The following LIPA variants were observed in gnomAD, a reference collection of about 807,000 sequenced individuals.
LIPA encodes the protein lysosomal acid lipase/cholesteryl ester hydrolase.
LIPA carries 26 observed loss-of-function variants against 40.6 expected under a neutral mutation model. The observed-to-expected ratio is 0.64, with a 90% CI of 0.47 to 0.89. The LOEUF is 0.89. LIPA is among the 40% of genes least tolerant of loss of function. The probability of loss-of-function intolerance (pLI) is 0.00; values close to 1 mark genes in which losing one functional copy is unlikely to be tolerated. For missense variants in LIPA, 455 were observed against 479.6 expected (o/e 0.95, Z 0.48); for synonymous variants, 188 against 168.4 (o/e 1.12, Z -0.90).
intron 1 of LIPA, among the ~76,000 whole-genome samples, chr10:89,268,563 T>C (rs1843249079): frequency 6.6e-6 from 1 of 152,242 alleles, no homozygotes; most frequent in Non-Finnish European, 1.5e-5. Context: ...GCTCAAGCTA[T>C]ATATATTATT....
At chr10:89,306,198 T>C in intron 1 of LIPA, 6 of 1,614,130 alleles carry the variant, frequency 3.7e-6, no homozygotes, top group Non-Finnish European at 5.1e-6. Context: ...GAAGAGTTAA[T>C]CCAGCAAGAG....
chr10:89,284,601 G>A (rs1325853830), intron 1 of LIPA: 1 of 152,062 alleles, frequency 6.6e-6, no homozygotes, highest in Non-Finnish European at 1.5e-5. Context: ...GCACACTAAA[G>A]AAACTTTGGA....
At chr10:89,281,861 C>A (rs901927759) in intron 1 of LIPA, among the ~76,000 whole-genome samples, 1 of 152,244 alleles carries the variant, frequency 6.6e-6, no homozygotes, top group East Asian at 1.9e-4. Flanking sequence ...ATAGGGCCAG[C>A]TACTGAGAAC....
At chr10:89,310,063 A>T (rs1843507344) in intron 1 of LIPA, among the ~76,000 whole-genome samples, 1 of 152,146 alleles carries the variant, frequency 6.6e-6, no homozygotes, top group Non-Finnish European at 1.5e-5. Context: ...TACATTTCAC[A>T]TTCTCTGTAT....
At chr10:89,314,440 C>T (rs4934472) in intron 1 of LIPA, 31,673 of 152,256 alleles carry the variant, frequency 0.21, 4,286 homozygotes, top group East Asian at 0.63. Context: ...GAGGCCAAGG[C>T]GGGTGGATCA....
At chr10:89,349,983 G>A (rs1843948374) in intron 2 of LIPA, among the ~76,000 whole-genome samples, 1 of 152,074 alleles carries the variant, frequency 6.6e-6, no homozygotes, top group African/African-American at 2.4e-5. Flanking sequence ...CCTTATCACT[G>A]GACAAAGTCT....
At chr10:89,354,224 C>T (rs1843977345) in intron 2 of LIPA, among the ~76,000 whole-genome samples, 1 of 152,214 alleles carries the variant, frequency 6.6e-6, no homozygotes, top group African/African-American at 2.4e-5. Flanking sequence ...AAGAATGCAA[C>T]CTTTTGTCTC....
At chr10:89,323,698 G>A (rs1327203242) in intron 1 of LIPA, among the ~76,000 whole-genome samples, 5 of 151,964 alleles carry the variant, frequency 3.3e-5, no homozygotes, top group Non-Finnish European at 7.4e-5. Context: ...GCCACAAAAA[G>A]AATAAAATAC....
At chr10:89,344,427 G>A (rs77104324), upstream of LIPA, among the ~76,000 whole-genome samples, 733 of 152,228 alleles carry the variant, frequency 4.8e-3, 2 homozygotes, top group African/African-American at 0.017. Context: ...CATAAAACCA[G>A]GACCCATTCA....
chr10:89,274,767 T>G (rs1843281862), intron 1 of LIPA, among the ~76,000 whole-genome samples: 1 of 152,188 alleles, frequency 6.6e-6, no homozygotes. Context: ...TTTCCGTGTC[T>G]GATGGGTGGG....
intron 1 of LIPA, chr10:89,339,435 T>C (rs1424653901): frequency 6.2e-7 from 1 of 1,614,180 alleles, no homozygotes; most frequent in South Asian, 1.1e-5. Context: ...TAGACAAAGC[T>C]ATTGAACTGT....
chr10:89,222,497 C>T lies in LIPA; in HGVS notation c.894+14G>A. The T allele has an allele frequency of 6.3e-7, 1 of 1,576,400 alleles. No homozygotes were observed. Among genetic ancestry groups the T allele is most frequent in the East Asian group, 2.2e-5 (1 of 44,680 alleles). On this transcript the variant is annotated intron_variant, in intron 8 of 9. Coordinates refer to ENST00000336233, the MANE Select transcript of LIPA (RefSeq NM_000235.4). ...ATTTTACATGAACCCCAAATGCACTCCTGGAATGCCTACCTGGCTCCAGTG... is the reference window on the plus strand; with the variant it reads ...ATTTTACATGAACCCCAAATGCACTTCTGGAATGCCTACCTGGCTCCAGTG...
intron 1 of LIPA, among the ~76,000 whole-genome samples, chr10:89,335,948 C>A (rs78074087): frequency 0.044 from 6,671 of 152,186 alleles, 490 homozygotes; most frequent in African/African-American, 0.15. Flanking sequence ...GTCCTTCATA[C>A]AGGGTAGTTA....
chr10:89,259,921 A>T (rs1843198502), intron 1 of LIPA, among the ~76,000 whole-genome samples: 1 of 152,198 alleles, frequency 6.6e-6, no homozygotes, highest in African/African-American at 2.4e-5. Context: ...ACAGAGAGGC[A>T]TGGGGAAACT....
chr10:89,270,859 C>T (rs1843261887), intron 1 of LIPA, among the ~76,000 whole-genome samples: 1 of 152,210 alleles, frequency 6.6e-6, no homozygotes, highest in African/African-American at 2.4e-5. Context: ...TGGAGCACAG[C>T]TATGTCATCC....
intron 1 of LIPA, among the ~76,000 whole-genome samples, chr10:89,320,370 T>C (rs534809998): frequency 5.9e-4 from 90 of 152,232 alleles, no homozygotes; most frequent in Admixed American, 1.8e-3. Flanking sequence ...TTCAGCAAAG[T>C]CTCAGGATCC....
chr10:89,403,049 C>G, intron 2 of LIPA: 1 of 1,614,176 alleles, frequency 6.2e-7, no homozygotes, highest in Non-Finnish European at 8.5e-7. Flanking sequence ...GATATGCAGC[C>G]AAGTTTTACC....
chr10:89,340,110 C>T (rs528157246), intron 1 of LIPA: 2 of 1,598,832 alleles, frequency 1.3e-6, no homozygotes, highest in Non-Finnish European at 1.7e-6. Flanking sequence ...TCCTCTCTAA[C>T]TCAGAGCAAC....
chr10:89,388,325 CG>C (rs1409342841), intron 2 of LIPA, among the ~76,000 whole-genome samples: 8 of 152,136 alleles, frequency 5.3e-5, no homozygotes, highest in African/African-American at 1.9e-4. Context: ...AGCATGGTCT[CG>C]AACCCCTGAC....
Sources: allele counts gnomAD v4.1 joint callset (sites outside exome capture counted in the v4.1 genomes callset), GRCh38; gene constraint gnomAD v4.1.1; transcripts MANE v1.5; gene names NCBI Gene and HGNC (gene_info 2026-07-23, HGNC 2026-07-21).